CFAP61: variants seen among roughly 807,000 people sequenced by gnomAD.
CFAP61 encodes cilia- and flagella-associated protein 61.
Under a neutral mutation model 135.6 loss-of-function variants are expected in CFAP61, and 107 were observed. The ratio of observed to expected loss-of-function variants is 0.79; its 90% confidence interval spans 0.67 to 0.93. The LOEUF is 0.93. Ranked by LOEUF, CFAP61 falls within the 40% of genes least tolerant of loss-of-function variation. The pLI, the probability that CFAP61 is intolerant of heterozygous loss-of-function variation, is 0.00. For synonymous variants in CFAP61, 575 were observed against 578.5 expected, an observed-to-expected ratio of 0.99 and a Z score of 0.09; for missense variants, 1,507 against 1,556.2, an observed-to-expected ratio of 0.97 and a Z score of 0.53.
At chr20:20,080,757 A>C (rs1368054437) in intron 6 of CFAP61, among the ~76,000 whole-genome samples, 1 of 152,176 alleles carries the variant, frequency 6.6e-6, no homozygotes, top group African/African-American at 2.4e-5. Flanking sequence ...TAATCCCAGC[A>C]CTTTGGGAGG....
intron 24 of CFAP61, among the ~76,000 whole-genome samples, chr20:20,296,481 C>T (rs868679764): frequency 1.4e-4 from 20 of 144,102 alleles, no homozygotes; most frequent in Admixed American, 5.6e-4. Flanking sequence ...TTTCTTTTTC[C>T]TCCCTCCCTC....
rs370062767 is a variant in CFAP61, at chr20:20,074,395, G to T, written c.371+17G>T. The T allele has an allele frequency of 2.3e-5, 37 of 1,602,104 alleles. No homozygotes were observed. The African/African-American group carries it at 3.1e-4, about 13-fold the overall frequency. ...GATTCTTCGGTGAGTGGATATGGCC[G>T]TGCAGTGGTGAACATGAAAGAGACT... On this transcript the variant is annotated intron_variant, in intron 4 of 26. Coordinates refer to ENST00000245957, the MANE Select transcript of CFAP61 (RefSeq NM_015585.4).
chr20:20,328,118 C>T (rs111758858), intron 25 of CFAP61, among the ~76,000 whole-genome samples: 125 of 152,278 alleles, frequency 8.2e-4, no homozygotes, highest in African/African-American at 2.9e-3. Flanking sequence ...AAAAAGAAGG[C>T]CAGCGTGGCT....
chr20:20,169,193 G>T, intron 12 of CFAP61, 128 bp from the exon 13 acceptor site: 1 of 812,104 alleles, frequency 1.2e-6, no homozygotes, highest in East Asian at 2.7e-5. Context: ...TATAGGAAAG[G>T]TAATTTGAAT....
In CFAP61 at chr20:20,122,297, A is replaced by C. The variant is rs1455042266; in HGVS notation, c.860-20560A>C. Among the ~76,000 whole-genome samples the C allele has an allele frequency of 3.3e-5, 5 of 152,132 alleles. No homozygotes were observed. In the East Asian group the frequency reaches 9.7e-4, roughly 29 times the overall value. On this transcript the variant is annotated intron_variant, in intron 8 of 26. Coordinates refer to ENST00000245957, the MANE Select transcript of CFAP61 (RefSeq NM_015585.4). Reference sequence around the variant, plus strand: ...GCCTCTCCCGAGCAGCTGGGACTACAGGGGTGCACCACCACACCCAGCTAA... The same window carrying C: ...GCCTCTCCCGAGCAGCTGGGACTACCGGGGTGCACCACCACACCCAGCTAA...
intron 8 of CFAP61, among the ~76,000 whole-genome samples, chr20:20,112,268 C>G (rs1159284318): frequency 6.6e-6 from 1 of 152,002 alleles, no homozygotes; most frequent in African/African-American, 2.4e-5. Context: ...AAAGCAATAC[C>G]AGCACACATC....
chr20:20,143,753 T>G (rs564170088), intron 9 of CFAP61, among the ~76,000 whole-genome samples: 1 of 151,970 alleles, frequency 6.6e-6, no homozygotes, highest in South Asian at 2.1e-4. Context: ...CAGACTAGAG[T>G]GACTAAAGTC....
chr20:20,306,320 A>T (rs1427499575), intron 25 of CFAP61, among the ~76,000 whole-genome samples: 1 of 152,176 alleles, frequency 6.6e-6, no homozygotes, highest in Non-Finnish European at 1.5e-5. Flanking sequence ...ACTTTGAAAC[A>T]TTTACCTCAT....
At chr20:20,315,265 A>C (rs1223085240) in intron 25 of CFAP61, among the ~76,000 whole-genome samples, 1 of 151,502 alleles carries the variant, frequency 6.6e-6, no homozygotes, top group Non-Finnish European at 1.5e-5. Context: ...TGTGGTTTTG[A>C]TTTGCATTTC....
chr20:20,319,463 G>A (rs540161430), intron 25 of CFAP61, among the ~76,000 whole-genome samples: 6 of 152,258 alleles, frequency 3.9e-5, no homozygotes, highest in South Asian at 4.1e-4. Context: ...TCATGGGGGC[G>A]GATTTTCCCC....
At chr20:20,269,164 C>CACACAT (rs372986717) in intron 21 of CFAP61, among the ~76,000 whole-genome samples, 5,728 of 111,910 alleles carry the variant, frequency 0.051, 373 homozygotes, top group Middle Eastern at 0.1. Context: ...CACACACACA[C>CACACAT]ATACATATAT....
intron 26 of CFAP61, among the ~76,000 whole-genome samples, chr20:20,357,221 G>T (rs2059243706): frequency 1.2e-5 from 1 of 82,030 alleles, no homozygotes; most frequent in East Asian, 4.1e-4. Flanking sequence ...ACACTGAGGG[G>T]AGGGGGTCAT....
At chr20:20,256,385 G>A (rs1461469379) in intron 20 of CFAP61, among the ~76,000 whole-genome samples, 1 of 141,110 alleles carries the variant, frequency 7.1e-6, no homozygotes, top group Non-Finnish European at 1.5e-5. Context: ...TTGTGAAAAT[G>A]TTGAAAAATT....
chr20:20,090,732 G>A, intron 6 of CFAP61, 112 bp from the exon 7 acceptor site: 1 of 685,114 alleles, frequency 1.5e-6, no homozygotes, highest in Non-Finnish European at 2.5e-6. Context: ...TTGATATCAT[G>A]AGTGTTGCTC....
intron 25 of CFAP61, among the ~76,000 whole-genome samples, chr20:20,340,728 C>T (rs923208611): frequency 1.3e-5 from 2 of 152,096 alleles, no homozygotes; most frequent in African/African-American, 4.8e-5. Context: ...TCCGATGGTG[C>T]CATGGAAACA....
chr20:20,099,886 G>A (rs74679442), intron 8 of CFAP61, among the ~76,000 whole-genome samples: 5 of 152,230 alleles, frequency 3.3e-5, no homozygotes, highest in Non-Finnish European at 5.9e-5. Context: ...CATAAACCCC[G>A]TGCACAGTGT....
chr20:20,056,213 G>T (rs2044323221), intron 1 of CFAP61, among the ~76,000 whole-genome samples: 1 of 152,232 alleles, frequency 6.6e-6, no homozygotes, highest in Non-Finnish European at 1.5e-5. Context: ...CAGGGCTCCA[G>T]TTTGGAGAAC....
At position 20,098,531 on chromosome 20, in the gene CFAP61, C is replaced by A. The variant is rs2047754485; in HGVS notation, c.700-124C>A. ...AGGCTGGGGAGAAGAATTGCTTGAA[C>A]TGAGGAGGCGGAGGTTGCGGTGAGC... On this transcript the variant is annotated intron_variant, in intron 7 of 26. Coordinates refer to ENST00000245957, the MANE Select transcript of CFAP61 (RefSeq NM_015585.4). The A allele has an allele frequency of 3.1e-5, 24 of 779,344 alleles. No individual in the cohort carries two copies. In the South Asian group the frequency reaches 4.9e-4, roughly 16 times the overall value. The allele number at this position is 779,344 out of a possible 1,614,324, so 48.3% of individuals were successfully genotyped here.
chr20:20,155,767 C>G (rs887647244), intron 9 of CFAP61, among the ~76,000 whole-genome samples: 1 of 151,950 alleles, frequency 6.6e-6, no homozygotes, highest in South Asian at 2.1e-4. Context: ...AATAAAAAAA[C>G]AACAGATCTT....
Sources: gnomAD v4.1 joint callset for allele counts (sites outside exome capture counted in the v4.1 genomes callset) on GRCh38, gnomAD v4.1.1 for gene constraint, MANE v1.5 for transcripts, NCBI Gene and HGNC (gene_info 2026-07-23, HGNC 2026-07-21) for gene names.